The following NCALD variants were observed in gnomAD, a reference collection of about 807,000 sequenced individuals.
NCALD encodes neurocalcin delta, also known as neurocalcin-delta.
NCALD carries 10 observed loss-of-function variants against 18.6 expected under a neutral mutation model. That is an observed-to-expected ratio of 0.54 (90% CI 0.33 to 0.91). NCALD has a LOEUF of 0.91. Ranked by LOEUF, NCALD falls within the 40% of genes least tolerant of loss-of-function variation. The pLI is 0.03. For missense variants in NCALD, 184 were observed against 247.6 expected (o/e 0.74, Z 1.72); for synonymous variants, 88 against 87.4 (o/e 1.01, Z -0.04).
At chr8:101,798,378 G>C in intron 4 of NCALD, among the ~76,000 whole-genome samples, 1 of 152,144 alleles carries the variant, frequency 6.6e-6, no homozygotes, top group South Asian at 2.1e-4. Context: ...TGAACATGTA[G>C]AGACTGAATT....
chr8:101,965,452 A>G (rs552291871), intron 2 of NCALD, among the ~76,000 whole-genome samples: 2 of 152,342 alleles, frequency 1.3e-5, no homozygotes, highest in East Asian at 1.9e-4. Context: ...GGATGAATTC[A>G]TGTACTTTGC....
chr8:101,813,889 T>C (rs1813400898), intron 4 of NCALD, among the ~76,000 whole-genome samples: 1 of 152,116 alleles, frequency 6.6e-6, no homozygotes, highest in Non-Finnish European at 1.5e-5. Flanking sequence ...GCTTGCCCAT[T>C]TTTACTACAT....
chr8:102,008,905 C>T (rs1821804375), intron 2 of NCALD, among the ~76,000 whole-genome samples: 1 of 112,484 alleles, frequency 8.9e-6, no homozygotes, highest in Non-Finnish European at 1.9e-5. Context: ...CCCACCTCCA[C>T]CCCCGCCCCC....
At chr8:101,960,382 G>GC (rs1819793135) in intron 2 of NCALD, among the ~76,000 whole-genome samples, 1 of 152,036 alleles carries the variant, frequency 6.6e-6, no homozygotes, top group South Asian at 2.1e-4. Flanking sequence ...GAAACACACT[G>GC]CCCCCAACCC....
intron 2 of NCALD, among the ~76,000 whole-genome samples, chr8:101,991,191 C>T (rs1033366712): frequency 8.5e-5 from 13 of 152,146 alleles, no homozygotes; most frequent in Non-Finnish European, 1.6e-4. Flanking sequence ...AAATTCATCT[C>T]CTCCAATTCT....
At chr8:101,816,525 T>C (rs1273845421) in intron 4 of NCALD, among the ~76,000 whole-genome samples, 1 of 152,218 alleles carries the variant, frequency 6.6e-6, no homozygotes, top group Non-Finnish European at 1.5e-5. Flanking sequence ...TTCAACCTAA[T>C]GTAGAAGCAT....
chr8:101,887,407 G>C (rs1384045705), intron 3 of NCALD, among the ~76,000 whole-genome samples: 1 of 152,080 alleles, frequency 6.6e-6, no homozygotes. Flanking sequence ...AAAGTACTCA[G>C]GAATGAGTCT....
intron 4 of NCALD, among the ~76,000 whole-genome samples, chr8:101,845,613 A>G (rs969463013): frequency 1.7e-4 from 26 of 152,234 alleles, no homozygotes; most frequent in Admixed American, 2.0e-4. Flanking sequence ...ACAACGTGTC[A>G]TGGTAAAAGC....
intron 1 of NCALD, among the ~76,000 whole-genome samples, chr8:101,741,936 C>CAA (rs71278804): frequency 0.019 from 1,404 of 75,780 alleles, 29 homozygotes; most frequent in Non-Finnish European, 0.024. Flanking sequence ...AAGCCTGTCT[C>CAA]AAAAAAAAAA....
intron 2 of NCALD, among the ~76,000 whole-genome samples, chr8:101,944,657 T>C (rs999111645): frequency 2.0e-5 from 3 of 152,178 alleles, no homozygotes; most frequent in African/African-American, 4.8e-5. Flanking sequence ...ATGCAGGAGA[T>C]GAAAGAGCAG....
intron 2 of NCALD, among the ~76,000 whole-genome samples, chr8:101,946,277 G>A (rs1403742803): frequency 6.6e-6 from 1 of 152,098 alleles, no homozygotes; most frequent in East Asian, 1.9e-4. Context: ...TATGTGCCAG[G>A]CATTGTGCTA....
chr8:101,871,993 C>A (rs546063059), intron 4 of NCALD: 4 of 863,556 alleles, frequency 4.6e-6, no homozygotes, highest in Non-Finnish European at 7.8e-6. Context: ...CAGGTTCATG[C>A]CGCCAAACAC....
In NCALD at chr8:101,689,076, A is replaced by G. The variant is rs1480654525; in HGVS notation, c.*233T>C. ...AGTAACGATTAAAAATCATCAAACA[A>G]TGAACACCACGAAGTCTGTCCATGC... On this transcript the variant is annotated 3_prime_UTR_variant, in exon 4 of 4. Coordinates refer to ENST00000220931, the MANE Select transcript of NCALD (RefSeq NM_032041.3). This position sits in a 1 kb window ranked among gnomAD's most constrained non-coding sequence, Gnocchi z 4.4. The G allele has an allele frequency of 8.5e-6, 6 of 702,958 alleles. No homozygotes were observed. Among genetic ancestry groups the G allele is most frequent in the Non-Finnish European group, 1.6e-5 (6 of 385,082 alleles). 43.5% of individuals were successfully genotyped at this position (702,958 alleles called of 1,614,324 possible).
rs145433142 is a variant in NCALD, at chr8:101,964,853, T to C, written c.-156-48995A>G. On this transcript the variant is annotated intron_variant, in intron 2 of 6. Coordinates refer to the NCALD transcript ENST00000311028. ...TTCATAAAAACAGAAAATGTTTTGG[T>C]ACAGAATGGGAAACACCAAAGGAAG... 5.7e-4 allele frequency among the ~76,000 whole-genome samples: 87 copies of C among 152,254 alleles called. 1 individual carries two copies. The highest frequency in any genetic ancestry group is 6.8e-3 in the Middle Eastern group (2 of 294).
chr8:101,765,223 C>T (rs2130860251), intron 1 of NCALD, among the ~76,000 whole-genome samples: 1 of 152,274 alleles, frequency 6.6e-6, no homozygotes, highest in East Asian at 1.9e-4. Flanking sequence ...CATGCAAATT[C>T]TATTTTCAGA....
Position 101,976,173 on chromosome 8 carries a change from C to CT in NCALD, c.-157+44063dup, listed in dbSNP as rs1820416551. Among the ~76,000 whole-genome samples, 6 of 152,340 alleles carry CT rather than the reference C, an allele frequency of 3.9e-5. No homozygotes were observed. The South Asian group carries it at 1.2e-3, about 32-fold the overall frequency. On this transcript the variant is annotated intron_variant, in intron 2 of 6. Coordinates refer to the NCALD transcript ENST00000311028. ...GACTAGAGGGAGTAAAGGCTCTCAG[C>CT]TGTAGCTAGCCCTGGGTGCTGCACT... is the stretch of plus-strand genomic sequence containing the variant.
chr8:102,106,373 G>A (rs1001451798), intron 1 of NCALD, among the ~76,000 whole-genome samples: 12 of 150,898 alleles, frequency 8.0e-5, no homozygotes, highest in Non-Finnish European at 1.3e-4. Flanking sequence ...CATACCTGGC[G>A]GAACAACAAT....
chr8:101,989,362 T>C (rs953673213), intron 2 of NCALD, among the ~76,000 whole-genome samples: 1 of 152,142 alleles, frequency 6.6e-6, no homozygotes, highest in Non-Finnish European at 1.5e-5. Flanking sequence ...TCACCCTTAA[T>C]GCACTACTAA....
At chr8:101,735,355 G>A (rs548069167) in intron 1 of NCALD, among the ~76,000 whole-genome samples, 5 of 152,202 alleles carry the variant, frequency 3.3e-5, no homozygotes, top group East Asian at 3.9e-4. Context: ...TACCAAGCCC[G>A]TAGAAAAAGC....
Sources: allele counts gnomAD v4.1 joint callset (sites outside exome capture counted in the v4.1 genomes callset), GRCh38; gene constraint gnomAD v4.1.1; non-coding constraint Gnocchi (gnomAD v3.1); transcripts MANE v1.5; gene names NCBI Gene and HGNC (gene_info 2026-07-23, HGNC 2026-07-21).